MAPK10: variants seen among roughly 807,000 people sequenced by gnomAD.
The protein encoded by MAPK10 is mitogen-activated protein kinase 10.
In MAPK10, 25 loss-of-function variants were observed where a neutral mutation model predicts 59.3. That is an observed-to-expected ratio of 0.42 (90% confidence interval 0.31 to 0.59). The LOEUF (loss-of-function observed/expected upper bound fraction) is 0.59, where lower values mean the gene tolerates loss of function less well. Among genes scored for constraint, MAPK10 ranks in the 20% least tolerant of loss-of-function variants. MAPK10 has a pLI of 0.15. For missense variants in MAPK10, 351 were observed against 568.9 expected, an observed-to-expected ratio of 0.62 and a Z score of 3.90; for synonymous variants, 190 against 200.5, an observed-to-expected ratio of 0.95 and a Z score of 0.44.
At chr4:86,364,431 T>C (rs576616964), upstream of MAPK10, among the ~76,000 whole-genome samples, 1 of 152,220 alleles carries the variant, frequency 6.6e-6, no homozygotes, top group Admixed American at 6.5e-5. Context: ...TCCAGGTCCA[T>C]TGAAACTCTT....
intron 4 of MAPK10, among the ~76,000 whole-genome samples, chr4:86,126,569 T>C (rs1428283847): frequency 6.6e-6 from 1 of 152,070 alleles, no homozygotes; most frequent in Non-Finnish European, 1.5e-5. Flanking sequence ...TTAAATAATC[T>C]AAGCTAGCGT....
chr4:86,366,340 A>C (rs980936098), intron 1 of MAPK10, among the ~76,000 whole-genome samples: 3 of 152,164 alleles, frequency 2.0e-5, no homozygotes, highest in Non-Finnish European at 1.5e-5. Flanking sequence ...ATATGGGTAT[A>C]TGCATTCGTC....
At chr4:86,461,935 C>A (rs1751783399) in intron 1 of MAPK10, among the ~76,000 whole-genome samples, 1 of 152,186 alleles carries the variant, frequency 6.6e-6, no homozygotes, top group Non-Finnish European at 1.5e-5. Context: ...AGCATACACC[C>A]CCCAAATCAA....
At chr4:86,336,592 G>T (rs1243162933) in intron 2 of MAPK10, 2 of 152,104 alleles carry the variant, frequency 1.3e-5, no homozygotes, top group Non-Finnish European at 2.9e-5. Context: ...TCAATGACAT[G>T]CCAGGGAGGT....
intron 1 of MAPK10, among the ~76,000 whole-genome samples, chr4:86,531,604 G>T (rs1757857088): frequency 6.6e-6 from 1 of 152,134 alleles, no homozygotes; most frequent in Admixed American, 6.5e-5. Flanking sequence ...TAGATTGGAG[G>T]GGATTAATCT....
chr4:86,276,845 G>A (rs560758974), intron 2 of MAPK10, among the ~76,000 whole-genome samples: 2 of 152,244 alleles, frequency 1.3e-5, no homozygotes, highest in East Asian at 3.9e-4. Flanking sequence ...CTAATAAACA[G>A]CCCTGCATCA....
chr4:86,329,648 CT>C (rs2096106805), intron 2 of MAPK10, among the ~76,000 whole-genome samples: 1 of 152,166 alleles, frequency 6.6e-6, no homozygotes, highest in Non-Finnish European at 1.5e-5. Context: ...TCACCTTGTT[CT>C]CCACTGTGCC....
At chr4:86,568,940 A>G (rs1761256009) in intron 1 of MAPK10, among the ~76,000 whole-genome samples, 1 of 152,118 alleles carries the variant, frequency 6.6e-6, no homozygotes, top group Non-Finnish European at 1.5e-5. Flanking sequence ...ACAACAAAAT[A>G]GACAAATGGG....
chr4:86,445,012 G>A (rs534711078), intron 1 of MAPK10, among the ~76,000 whole-genome samples: 10 of 152,284 alleles, frequency 6.6e-5, no homozygotes, highest in Admixed American at 1.3e-4. Flanking sequence ...ACAGTGTGGC[G>A]ATTCCTGAAA....
intron 9 of MAPK10, among the ~76,000 whole-genome samples, chr4:86,096,681 A>C (rs950064107): frequency 6.6e-6 from 1 of 152,024 alleles, no homozygotes; most frequent in Admixed American, 6.6e-5. Context: ...CAAAGGCAAA[A>C]GCATAAAGAA....
chr4:86,124,070 A>C (rs2149121876), intron 4 of MAPK10: 1 of 152,148 alleles, frequency 6.6e-6, no homozygotes, highest in East Asian at 1.9e-4. Context: ...TAACAATTTT[A>C]GTTGAAAATG....
At chr4:86,486,221 T>A (rs1753980173) in intron 1 of MAPK10, among the ~76,000 whole-genome samples, 1 of 152,172 alleles carries the variant, frequency 6.6e-6, no homozygotes, top group Non-Finnish European at 1.5e-5. Flanking sequence ...GCAAGAAGTT[T>A]GGATTGTACT....
At chr4:86,301,113 C>T (rs911004925) in intron 2 of MAPK10, among the ~76,000 whole-genome samples, 1 of 152,052 alleles carries the variant, frequency 6.6e-6, no homozygotes, top group African/African-American at 2.4e-5. Flanking sequence ...GGCCTCTACC[C>T]ACTAGAGGCT....
intron 11 of MAPK10, among the ~76,000 whole-genome samples, chr4:86,049,367 A>G (rs1231068542): frequency 2.0e-5 from 3 of 151,904 alleles, no homozygotes; most frequent in South Asian, 4.1e-4. Context: ...TATTATATAC[A>G]TTATTATATA....
intron 9 of MAPK10, among the ~76,000 whole-genome samples, chr4:86,097,387 GT>G (rs1332899854): frequency 1.3e-5 from 2 of 151,770 alleles, no homozygotes; most frequent in Non-Finnish European, 1.5e-5. Context: ...GTTGAGTCAG[GT>G]TTTTTTGTTT....
intron 1 of MAPK10, among the ~76,000 whole-genome samples, chr4:86,473,696 C>T (rs1387885775): frequency 1.3e-5 from 2 of 152,192 alleles, no homozygotes; most frequent in East Asian, 3.8e-4. Flanking sequence ...AACACTTTGG[C>T]TCTCCTTGGT....
intron 11 of MAPK10, among the ~76,000 whole-genome samples, chr4:86,053,879 C>A (rs567050980): frequency 3.2e-4 from 49 of 152,208 alleles, no homozygotes; most frequent in African/African-American, 1.0e-3. Flanking sequence ...TTTGGAAGAA[C>A]CTGACAGAAT....
Position 86,467,722 on chromosome 4 carries a change from G to A in MAPK10, c.-262-113078C>T, listed in dbSNP as rs112304607. Among the ~76,000 whole-genome samples the A allele has an allele frequency of 2.5e-3, 378 of 152,258 alleles. 1 individual carries two copies. The highest frequency in any genetic ancestry group is 4.2e-3 in the Non-Finnish European group (284 of 68,006). On this transcript the variant is annotated intron_variant, in intron 1 of 4. Transcript: ENST00000502302. The stretch of plus-strand genomic sequence containing the variant: ...TTTAATAGAGACAGGGTTTCACCAC[G>A]TTGGCCAGGATGGTCTCGATCTCTT...
At chr4:86,590,557 G>A (rs1578199523) in intron 1 of MAPK10, among the ~76,000 whole-genome samples, 1 of 152,282 alleles carries the variant, frequency 6.6e-6, no homozygotes, top group East Asian at 1.9e-4. Context: ...GCCAAGGAGG[G>A]AGGATTGCTT....
Sources: gnomAD v4.1 joint callset for allele counts (sites outside exome capture counted in the v4.1 genomes callset) on GRCh38, gnomAD v4.1.1 for gene constraint, MANE v1.5 for transcripts, NCBI Gene and HGNC (gene_info 2026-07-23, HGNC 2026-07-21) for gene names.